The following C12orf42 variants were observed in gnomAD, a reference collection of about 807,000 sequenced individuals.
C12orf42 encodes the protein uncharacterized protein C12orf42.
A neutral mutation model predicts 21.6 loss-of-function variants in C12orf42; 25 were observed. That is an observed-to-expected ratio of 1.16 (90% CI 0.84 to 1.62). The LOEUF (loss-of-function observed/expected upper bound fraction) is 1.62, where lower values mean the gene tolerates loss of function less well. C12orf42 is among the 40% of genes most tolerant of loss of function. The probability of loss-of-function intolerance (pLI) is 0.00; values close to 1 mark genes in which losing one functional copy is unlikely to be tolerated. For missense variants in C12orf42, 483 were observed against 459.3 expected (o/e 1.05, Z -0.47); for synonymous variants, 174 against 175.0 (o/e 0.99, Z 0.05).
intron 3 of C12orf42, among the ~76,000 whole-genome samples, chr12:103,385,510 A>G (rs2138308721): frequency 6.6e-6 from 1 of 152,380 alleles, no homozygotes; most frequent in Non-Finnish European, 1.5e-5. Flanking sequence ...TTGTGTTAAA[A>G]GTAACCCATT....
At chr12:103,144,263 G>C in the C12orf42 span, among the ~76,000 whole-genome samples, 40 of 151,698 alleles carry the variant, frequency 2.6e-4, no homozygotes, top group Non-Finnish European at 4.1e-4. Flanking sequence ...AGGAGACGAG[G>C]AGAAAAAAGG....
upstream of C12orf42, among the ~76,000 whole-genome samples, chr12:103,496,761 G>A (rs2138260772): frequency 1.3e-5 from 2 of 150,712 alleles, no homozygotes; most frequent in East Asian, 3.9e-4. Flanking sequence ...GTCCCAGGAT[G>A]GACACCCTCC....
intron 4 of C12orf42, among the ~76,000 whole-genome samples, chr12:103,280,399 T>A (rs1293069514): frequency 6.6e-6 from 1 of 152,046 alleles, no homozygotes. Flanking sequence ...AGGCAGATCA[T>A]TTGAGGTCAG....
chr12:103,344,473 G>T (rs1393655582), intron 4 of C12orf42, among the ~76,000 whole-genome samples: 2 of 152,114 alleles, frequency 1.3e-5, no homozygotes, highest in African/African-American at 4.8e-5. Context: ...ATTTTTGCCT[G>T]GTTCCAATTG....
At chr12:103,281,350 G>A (rs1177439242) in intron 4 of C12orf42, among the ~76,000 whole-genome samples, 1 of 152,062 alleles carries the variant, frequency 6.6e-6, no homozygotes, top group East Asian at 1.9e-4. Flanking sequence ...TGCTACTTTT[G>A]TATCATCCTG....
At chr12:103,408,230 G>A (rs756927588) in intron 2 of C12orf42, among the ~76,000 whole-genome samples, 3 of 152,178 alleles carry the variant, frequency 2.0e-5, no homozygotes, top group Non-Finnish European at 2.9e-5. Context: ...TGGAAATATA[G>A]GCTGTGGGTG....
the C12orf42 span, among the ~76,000 whole-genome samples, chr12:103,169,372 T>C: frequency 6.6e-6 from 1 of 151,832 alleles, no homozygotes; most frequent in Non-Finnish European, 1.5e-5. Flanking sequence ...CTCTTCCCTC[T>C]GCACAAGGGA....
At chr12:103,352,171 C>T (rs2043156509) in intron 4 of C12orf42, among the ~76,000 whole-genome samples, 1 of 152,096 alleles carries the variant, frequency 6.6e-6, no homozygotes, top group Admixed American at 6.6e-5. Flanking sequence ...TCTTCACTTA[C>T]CCATTGCCCT....
the C12orf42 span, among the ~76,000 whole-genome samples, chr12:103,103,816 T>G: frequency 6.6e-6 from 1 of 151,990 alleles, no homozygotes; most frequent in African/African-American, 2.4e-5. Context: ...TTTTTTTTTT[T>G]TTTCAGACGG....
intron 2 of C12orf42, among the ~76,000 whole-genome samples, chr12:103,421,475 G>A (rs1185672247): frequency 6.6e-6 from 1 of 151,994 alleles, no homozygotes; most frequent in African/African-American, 2.4e-5. Context: ...TTAGGAGGCT[G>A]AGGTGAGAGC....
the C12orf42 span, among the ~76,000 whole-genome samples, chr12:103,172,581 C>T: frequency 6.6e-6 from 1 of 152,060 alleles, no homozygotes; most frequent in African/African-American, 2.4e-5. Context: ...TAAAGTGTCA[C>T]TCTCCCTAGA....
chr12:103,253,631 G>A (rs1400407055), intron 10 of C12orf42, among the ~76,000 whole-genome samples: 1 of 152,022 alleles, frequency 6.6e-6, no homozygotes. Flanking sequence ...GTATAGGAAC[G>A]CTTGCGATTT....
intron 10 of C12orf42, among the ~76,000 whole-genome samples, chr12:103,239,622 T>C (rs983735981): frequency 1.3e-5 from 2 of 152,066 alleles, no homozygotes; most frequent in East Asian, 3.9e-4. Flanking sequence ...AGACCATAGG[T>C]GGTTAGCTTG....
intron 4 of C12orf42, among the ~76,000 whole-genome samples, chr12:103,311,120 TA>T (rs2038932106): frequency 6.6e-6 from 1 of 152,108 alleles, no homozygotes; most frequent in Admixed American, 6.5e-5. Context: ...ACCTGTGCAC[TA>T]AAGATTTCAC....
Position 103,401,495 on chromosome 12 carries a change from C to T in C12orf42, c.147+112G>A, listed in dbSNP as rs1288074697. The T allele has an allele frequency of 3.6e-6, 3 of 828,346 alleles. No homozygotes were observed. The African/African-American group carries it at 5.2e-5, about 14-fold the overall frequency. 51.3% of individuals were successfully genotyped at this position (828,346 alleles called of 1,614,324 possible). On this transcript the variant is annotated intron_variant, in intron 3 of 5. Transcript: ENST00000548883. ...ATTTTAAAATGTAAAAAATCCTTTACTAGCTATAAAGTCAAAAATACAAAG... is the reference window on the plus strand; with the variant it reads ...ATTTTAAAATGTAAAAAATCCTTTATTAGCTATAAAGTCAAAAATACAAAG...
At chr12:103,157,649 C>T in the C12orf42 span, among the ~76,000 whole-genome samples, 2 of 151,938 alleles carry the variant, frequency 1.3e-5, no homozygotes, top group African/African-American at 2.4e-5. Context: ...TTTTGTATAA[C>T]GTGTAAGGAA....
chr12:103,150,475 T>C, the C12orf42 span, among the ~76,000 whole-genome samples: 48 of 152,336 alleles, frequency 3.2e-4, no homozygotes, highest in African/African-American at 1.1e-3. Context: ...CTGCACACCA[T>C]AGGCTAGCCA....
intron 4 of C12orf42, among the ~76,000 whole-genome samples, chr12:103,346,616 T>C (rs2042642917): frequency 6.6e-6 from 1 of 152,198 alleles, no homozygotes; most frequent in African/African-American, 2.4e-5. Context: ...TTGTTACTCC[T>C]CTCTGGAAGC....
chr12:103,449,081 TGATAGATAGATAGATA>T (rs56702467), intron 2 of C12orf42, among the ~76,000 whole-genome samples: 45 of 146,602 alleles, frequency 3.1e-4, no homozygotes, highest in Middle Eastern at 3.4e-3. Context: ...AAAGAAAATA[TGATAGATAGATAGATA>T]GATAGATAGA....
Sources: allele counts gnomAD v4.1 joint callset (sites outside exome capture counted in the v4.1 genomes callset), GRCh38; gene constraint gnomAD v4.1.1; transcripts MANE v1.5; gene names NCBI Gene and HGNC (gene_info 2026-07-23, HGNC 2026-07-21).